MYADM: variants seen among roughly 807,000 people sequenced by gnomAD.
MYADM encodes myeloid associated differentiation marker.
For synonymous variants in MYADM, 224 were observed against 210.2 expected, an observed-to-expected ratio of 1.07 and a Z score of -0.57; for missense variants, 416 against 443.4, an observed-to-expected ratio of 0.94 and a Z score of 0.56.
Position 53,873,381 on chromosome 19 carries a change from A to AG in MYADM, c.-2-147_-2-146insG. On this transcript the variant is annotated intron_variant, in intron 2 of 2. Coordinates refer to ENST00000391770, the MANE Select transcript of MYADM (RefSeq NM_138373.5). The surrounding 1 kb of genome is among the most constrained non-coding windows in gnomAD (Gnocchi z 4.3). ...AGCAAGACTCTGTCTCAAAAAAAAA[A>AG]AAAGAAAAGAAAACCGAAAGCCCCA... is the stretch of plus-strand genomic sequence containing the variant. 1.1e-6 allele frequency: 1 copy of AG among 892,960 alleles called. No homozygotes were observed. The highest frequency in any genetic ancestry group is 1.7e-6 in the Non-Finnish European group (1 of 595,042). The allele number at this position is 892,960 out of a possible 1,614,324, so 55.3% of individuals were successfully genotyped here.
intron 2 of MYADM, chr19:53,872,851 T>A (rs2068421008): frequency 6.6e-6 from 1 of 152,440 alleles, no homozygotes; most frequent in Non-Finnish European, 1.5e-5. Context: ...GCTAAATGGC[T>A]GAGCTACTGA....
rs548904464 is a variant in MYADM, at chr19:53,868,842, A to ACCCCTCCCCT, written c.-87-900_-87-891dup. On this transcript the variant is annotated intron_variant, in intron 1 of 2. Transcript: ENST00000391770. This position sits in a 1 kb window ranked among gnomAD's most constrained non-coding sequence, Gnocchi z 6.3. ...GCTGGAGGCCCTAAGGGCGGGGTGG[A>ACCCCTCCCCT]CCCCTCCCCTCCCCTCCCCTCGGCG... The ACCCCTCCCCT allele has an allele frequency of 1.3e-5, 2 of 149,250 alleles. No homozygotes were observed. The highest frequency in any genetic ancestry group is 5.0e-5 in the African/African-American group (2 of 40,026). The allele number at this position is 149,250 out of a possible 1,614,324, so 9.2% of individuals were successfully genotyped here.
At chr19:53,871,689 G>C (rs2068392803) in intron 2 of MYADM, among the ~76,000 whole-genome samples, 1 of 151,948 alleles carries the variant, frequency 6.6e-6, no homozygotes, top group Admixed American at 6.6e-5. Context: ...GCCGTTTAGA[G>C]GCTGCAAATG....
chr19:53,872,078 T>C (rs1325374062), intron 2 of MYADM, among the ~76,000 whole-genome samples: 1 of 151,952 alleles, frequency 6.6e-6, no homozygotes, highest in African/African-American at 2.4e-5. Context: ...TTTGTATTTT[T>C]AGTAGAGACG....
At chr19:53,871,412 G>A (rs979332560) in intron 2 of MYADM, among the ~76,000 whole-genome samples, 17 of 149,344 alleles carry the variant, frequency 1.1e-4, no homozygotes, top group African/African-American at 4.1e-4. Context: ...GGAGTGTGGA[G>A]GGGGAGGCTC....
Position 53,874,674 on chromosome 19 carries a change from C to A in MYADM, c.*176C>A. 3.4e-6 allele frequency: 2 copies of A among 580,848 alleles called. No homozygotes were observed. The highest frequency in any genetic ancestry group is 3.8e-5 in the South Asian group (1 of 26,210). 36.0% of individuals were successfully genotyped at this position (580,848 alleles called of 1,614,324 possible). ...TTGCACTCTAACCAGTTCTTGGATG[C>A]ATCTTCTTCCTTCCCTTTCCTCTTG... On this transcript the variant is annotated 3_prime_UTR_variant, in exon 3 of 3. Coordinates refer to ENST00000391770, the MANE Select transcript of MYADM (RefSeq NM_138373.5).
chr19:53,873,995 G>T lies in MYADM; in HGVS notation c.466G>T (p.Ala156Ser), dbSNP rs1379998367. 3.7e-6 allele frequency: 6 copies of T among 1,608,810 alleles called. No homozygotes were observed. The highest frequency in any genetic ancestry group is 3.4e-6 in the Non-Finnish European group (4 of 1,180,008). Residue 156 changes from alanine (A) to serine (S), a missense_variant, in exon 3 of 3, where the codon GCC (alanine) becomes TCC (serine). Coordinates refer to ENST00000391770, the MANE Select transcript of MYADM (RefSeq NM_138373.5). This position sits in a 1 kb window ranked among gnomAD's most constrained non-coding sequence, Gnocchi z 4.3. ...GTGTGTGGCTTACGCCACCGAAGTG[G>T]CCTGGACCCGGGCCCGGCCCGGCGA... ...IACVAYATEV[A>S]WTRARPGEIT...
Position 53,868,943 on chromosome 19 carries a change from T to C in MYADM, c.-87-811T>C, listed in dbSNP as rs1423425248. ...GGGACAGAATGAGTGACGCCCTCGC[T>C]CGTCCTCCTCCCCTGCTTGGGACGG... On this transcript the variant is annotated intron_variant, in intron 1 of 2. Transcript: ENST00000391770. The surrounding 1 kb of genome is among the most constrained non-coding windows in gnomAD (Gnocchi z 6.3). 2 of 150,864 alleles carry C rather than the reference T, an allele frequency of 1.3e-5. No individual in the cohort carries two copies. The allele number at this position is 150,864 out of a possible 1,614,324, so 9.3% of individuals were successfully genotyped here.
In MYADM at chr19:53,874,671, A is replaced by T; in HGVS notation, c.*173A>T. 1 of 611,670 alleles carries T rather than the reference A, an allele frequency of 1.6e-6. No individual in the cohort carries two copies. The highest frequency in any genetic ancestry group is 2.6e-6 in the Non-Finnish European group (1 of 379,052). 37.9% of individuals were successfully genotyped at this position (611,670 alleles called of 1,614,324 possible). On this transcript the variant is annotated 3_prime_UTR_variant, in exon 3 of 3. Coordinates refer to ENST00000391770, the MANE Select transcript of MYADM (RefSeq NM_138373.5). ...TCCTTGCACTCTAACCAGTTCTTGG[A>T]TGCATCTTCTTCCTTCCCTTTCCTC...
In MYADM at chr19:53,874,007, GC is replaced by G; in HGVS notation, c.481del (p.Arg161GlyfsTer16). 6.2e-7 allele frequency: 1 copy of G among 1,608,416 alleles called. No homozygotes were observed. The highest frequency in any genetic ancestry group is 8.5e-7 in the Non-Finnish European group (1 of 1,179,992). ...AYATEVAWTR[A>X]RPGEITGYMA... ...CGCCACCGAAGTGGCCTGGACCCGGGCCCGGCCCGGCGAGATCACTGGCTAT... is the reference window on the plus strand; with the variant it reads ...CGCCACCGAAGTGGCCTGGACCCGGGCCGGCCCGGCGAGATCACTGGCTAT... On this transcript the variant is annotated frameshift_variant, in exon 3 of 3. Transcript: ENST00000391770. LOFTEE classifies it low-confidence loss of function (END_TRUNC).
rs556162243 is a variant in MYADM, at chr19:53,875,332, A to G, written c.*834A>G. ...CCTTTAAATTAAAAAACATATATAT[A>G]TATATATTTGGAGGTCAGTAATTTC... On this transcript the variant is annotated 3_prime_UTR_variant, in exon 3 of 3. Transcript: ENST00000391770. 1.2e-5 allele frequency: 2 copies of G among 166,446 alleles called. No individual in the cohort carries two copies. Among genetic ancestry groups the G allele is most frequent in the East Asian group, 3.9e-4 (2 of 5,154 alleles). The allele number at this position is 166,446 out of a possible 1,614,324, so 10.3% of individuals were successfully genotyped here. A position where few individuals can be genotyped will look rare whatever the true frequency, so the allele number is the denominator to read the frequency against.
intron 2 of MYADM, among the ~76,000 whole-genome samples, chr19:53,870,733 G>A (rs770143922): frequency 1.3e-5 from 2 of 152,168 alleles, no homozygotes; most frequent in Non-Finnish European, 2.9e-5. Flanking sequence ...CTGTGGCTGC[G>A]TTGAGACAGT....
intron 2 of MYADM, chr19:53,872,906 T>G (rs1306942186): frequency 1.3e-5 from 2 of 151,576 alleles, no homozygotes; most frequent in Non-Finnish European, 2.9e-5. Flanking sequence ...GTATCTGGAG[T>G]GGGAAGCAAA....
upstream of MYADM, among the ~76,000 whole-genome samples, chr19:53,867,471 A>G (rs906313963): frequency 6.1e-5 from 9 of 146,410 alleles, no homozygotes; most frequent in African/African-American, 1.8e-4. Context: ...GTGAGGTGAG[A>G]CGGGGGCGGG....
Position 53,875,888 on chromosome 19 carries a change from TG to T in MYADM, c.*1391del, listed in dbSNP as rs370296515. 3.0e-3 allele frequency: 507 copies of T among 166,880 alleles called. 2 individuals are homozygous for T. The highest frequency in any genetic ancestry group is 1.8e-3 in the Non-Finnish European group (120 of 68,080). The allele number at this position is 166,880 out of a possible 1,614,324, so 10.3% of individuals were successfully genotyped here. On this transcript the variant is annotated 3_prime_UTR_variant, in exon 3 of 3. Coordinates refer to ENST00000391770, the MANE Select transcript of MYADM (RefSeq NM_138373.5). ...AATCGGACGAAGAACCACAGGATGT[TG>T]AAGACAACTGTCTGAAGTATTTGTG...
rs2068520690 is a variant in MYADM at position 53,875,726 on chromosome 19, G to C, written c.*1228G>C. 6.5e-6 allele frequency: 1 copy of C among 153,554 alleles called. No individual in the cohort carries two copies. 9.5% of individuals were successfully genotyped at this position (153,554 alleles called of 1,614,324 possible). A position where few individuals can be genotyped will look rare whatever the true frequency, so the allele number is the denominator to read the frequency against. On this transcript the variant is annotated 3_prime_UTR_variant, in exon 3 of 3. Transcript: ENST00000391770. ...TAGCCGGGCGTGGTGGCGGGCGCCT[G>C]TAATCCCAGGTATTTGGGGGGACTG...
In MYADM at chr19:53,869,827, C is replaced by G. The variant is rs8106162; in HGVS notation, c.-14C>G. On this transcript the variant is annotated 5_prime_UTR_variant, in exon 2 of 3. Transcript: ENST00000391770. ...AGATCTTTCTCCGTGGATTCCTCTGCTAAGACCGCTGGTGAGTAGGCAGCG... is the reference window on the plus strand; with the variant it reads ...AGATCTTTCTCCGTGGATTCCTCTGGTAAGACCGCTGGTGAGTAGGCAGCG... 1.3e-5 allele frequency: 2 copies of G among 154,854 alleles called. No individual in the cohort carries two copies. Among genetic ancestry groups the G allele is most frequent in the African/African-American group, 4.8e-5 (2 of 41,436 alleles). 9.6% of individuals were successfully genotyped at this position (154,854 alleles called of 1,614,324 possible).
At position 53,875,331 on chromosome 19, in the gene MYADM, T is replaced by C. The variant is rs1599929791; in HGVS notation, c.*833T>C. ...CCCTTTAAATTAAAAAACATATATA[T>C]ATATATATTTGGAGGTCAGTAATTT... On this transcript the variant is annotated 3_prime_UTR_variant, in exon 3 of 3. Transcript: ENST00000391770. The C allele has an allele frequency of 1.2e-5, 2 of 166,158 alleles. No homozygotes were observed. Among genetic ancestry groups the C allele is most frequent in the East Asian group, 3.9e-4 (2 of 5,128 alleles). The allele number at this position is 166,158 out of a possible 1,614,324, so 10.3% of individuals were successfully genotyped here.
rs1361380924 is a variant in MYADM, at chr19:53,873,825, G to A, written c.296G>A (p.Arg99His). ...CAGGCCCGCTTCCCCCTGTCTTGGCGCAACTTCCCCATCACCTTCGCCTGC... is the reference window on the plus strand; with the variant it reads ...CAGGCCCGCTTCCCCCTGTCTTGGCACAACTTCCCCATCACCTTCGCCTGC... ...GLQARFPLSWRNFPITFACYA... is the reference protein window; with the variant it reads ...GLQARFPLSWHNFPITFACYA... The change falls in exon 3 of 3, where the codon CGC becomes CAC. Residue 99 changes from arginine to histidine, a missense_variant. Physicochemically the swap from Arg to His is conservative, Grantham distance 29. Coordinates refer to ENST00000391770, the MANE Select transcript of MYADM (RefSeq NM_138373.5). This position sits in a 1 kb window ranked among gnomAD's most constrained non-coding sequence, Gnocchi z 4.3. 8 of 1,613,450 alleles carry A rather than the reference G, an allele frequency of 5.0e-6. No individual in the cohort carries two copies. The highest frequency in any genetic ancestry group is 1.7e-5 in the Admixed American group (1 of 60,000).
Sources: gnomAD v4.1 joint callset for allele counts (sites outside exome capture counted in the v4.1 genomes callset) on GRCh38, gnomAD v4.1.1 for gene constraint, Gnocchi (gnomAD v3.1) non-coding constraint, MANE v1.5 for transcripts, NCBI Gene and HGNC (gene_info 2026-07-23, HGNC 2026-07-21) for gene names.